NXN: variants seen among roughly 807,000 people sequenced by gnomAD.
NXN encodes the protein nucleoredoxin 1.
In NXN, 16 loss-of-function variants were observed where a neutral mutation model predicts 48.6. The observed-to-expected ratio is 0.33, with a 90% CI of 0.22 to 0.50. The LOEUF (loss-of-function observed/expected upper bound fraction) is 0.50. Ranked by LOEUF, NXN falls within the 20% of genes least tolerant of loss-of-function variation. NXN has a pLI of 0.98. For missense variants in NXN, 492 were observed against 605.5 expected, an observed-to-expected ratio of 0.81 and a Z score of 1.97; for synonymous variants, 281 against 269.6, an observed-to-expected ratio of 1.04 and a Z score of -0.41.
At chr17:806,359 C>T (rs1213507013) in intron 5 of NXN, among the ~76,000 whole-genome samples, 1 of 151,938 alleles carries the variant, frequency 6.6e-6, no homozygotes, top group South Asian at 2.1e-4. Flanking sequence ...TAACAGAAAG[C>T]TTGCCTGCAA....
chr17:949,859 A>T (rs1424115813), intron 1 of NXN, among the ~76,000 whole-genome samples: 1 of 151,052 alleles, frequency 6.6e-6, no homozygotes, highest in Non-Finnish European at 1.5e-5. Context: ...GGGTGGGAAG[A>T]CGCCATGCAT....
intron 1 of NXN, among the ~76,000 whole-genome samples, chr17:867,325 G>A (rs536933006): frequency 5.3e-5 from 7 of 131,036 alleles, no homozygotes; most frequent in African/African-American, 8.7e-5. Context: ...GGGGTTCTCC[G>A]GGGAATCCTC....
intron 1 of NXN, among the ~76,000 whole-genome samples, chr17:876,931 C>T (rs565975074): frequency 4.6e-5 from 7 of 151,834 alleles, no homozygotes; most frequent in South Asian, 4.2e-4. Context: ...GCCTGTAATC[C>T]GAGCTACTCA....
intron 1 of NXN, among the ~76,000 whole-genome samples, chr17:836,884 C>A (rs1015166947): frequency 6.6e-6 from 1 of 152,082 alleles, no homozygotes; most frequent in Non-Finnish European, 1.5e-5. Flanking sequence ...CTCCACCTCC[C>A]GGGCTCAAGC....
chr17:803,329 C>T (rs521701), intron 7 of NXN, among the ~76,000 whole-genome samples: 41,294 of 151,966 alleles, frequency 0.27, 5,622 homozygotes, highest in Admixed American at 0.31. Context: ...CGCGGAGGCA[C>T]GAACCCAGCA....
At chr17:967,050 G>A (rs2069313980) in intron 1 of NXN, among the ~76,000 whole-genome samples, 1 of 152,082 alleles carries the variant, frequency 6.6e-6, no homozygotes, top group Admixed American at 6.5e-5. Flanking sequence ...CACAGAGACG[G>A]TGACCGTAGG....
chr17:973,804 C>T (rs1163143845), intron 1 of NXN, among the ~76,000 whole-genome samples: 1 of 151,822 alleles, frequency 6.6e-6, no homozygotes, highest in Admixed American at 6.6e-5. Context: ...CTCAGCCTCC[C>T]GAGTAGCTGG....
chr17:824,518 T>C (rs1912993053), intron 2 of NXN, among the ~76,000 whole-genome samples: 1 of 152,294 alleles, frequency 6.6e-6, no homozygotes, highest in African/African-American at 2.4e-5. Context: ...ATACCCGGGA[T>C]TGTGGATTCA....
At chr17:937,160 T>G (rs138273220) in intron 1 of NXN, among the ~76,000 whole-genome samples, 2,613 of 152,110 alleles carry the variant, frequency 0.017, 75 homozygotes, top group African/African-American at 0.06. Flanking sequence ...TTTTTTGTAT[T>G]TTTTGTAGAG....
At chr17:935,199 G>A (rs1179710429) in intron 1 of NXN, among the ~76,000 whole-genome samples, 1 of 151,864 alleles carries the variant, frequency 6.6e-6, no homozygotes, top group African/African-American at 2.4e-5. Context: ...TTACCATGTT[G>A]GCCAGGATGG....
chr17:921,258 G>A (rs764056466), intron 1 of NXN, among the ~76,000 whole-genome samples: 36 of 151,990 alleles, frequency 2.4e-4, no homozygotes, highest in Non-Finnish European at 4.9e-4. Context: ...TTTATCCCCA[G>A]GCAACCTCTA....
chr17:931,384 C>T lies in NXN; in HGVS notation c.360+47935G>A, dbSNP rs144981241. Among the ~76,000 whole-genome samples, 1,033 of 148,920 alleles carry T rather than the reference C, an allele frequency of 6.9e-3. 16 individuals carry two copies. Among genetic ancestry groups the T allele is most frequent in the African/African-American group, 0.025 (1,002 of 40,330 alleles). ...AGAAGAAATGCTTAAACCTGGGAGA[C>T]GGAGGTTGTAGTGAGCAGAGATCAC... is the stretch of plus-strand genomic sequence containing the variant. On this transcript the variant is annotated intron_variant, in intron 1 of 7. Transcript: ENST00000336868.
intron 7 of NXN, among the ~76,000 whole-genome samples, chr17:801,841 C>A (rs1911231620): frequency 6.6e-6 from 1 of 152,208 alleles, no homozygotes. Flanking sequence ...GACTTCAACT[C>A]TGGAATGTTT....
intron 1 of NXN, among the ~76,000 whole-genome samples, chr17:857,556 A>G (rs35962203): frequency 0.27 from 40,598 of 152,180 alleles, 6,413 homozygotes; most frequent in African/African-American, 0.44. Flanking sequence ...CACCACACCC[A>G]GCCTAAACAC....
At chr17:834,091 G>A (rs371867203) in intron 1 of NXN, among the ~76,000 whole-genome samples, 277 of 152,288 alleles carry the variant, frequency 1.8e-3, no homozygotes, top group African/African-American at 6.4e-3. Context: ...GGGACGAGGC[G>A]GGTGGATCGC....
At chr17:804,329 C>A (rs1160562522) in intron 6 of NXN, among the ~76,000 whole-genome samples, 2 of 132,860 alleles carry the variant, frequency 1.5e-5, no homozygotes, top group East Asian at 4.4e-4. Flanking sequence ...GTTGCCCAGG[C>A]TGGAGTGCAG....
intron 1 of NXN, among the ~76,000 whole-genome samples, chr17:922,361 T>G (rs1170084911): frequency 3.9e-5 from 6 of 151,944 alleles, no homozygotes; most frequent in Non-Finnish European, 8.8e-5. Context: ...GGAGAATCAC[T>G]TGAACCCGGG....
chr17:840,449 C>T (rs1316472095), intron 1 of NXN, among the ~76,000 whole-genome samples: 1 of 152,220 alleles, frequency 6.6e-6, no homozygotes, highest in South Asian at 2.1e-4. Context: ...ACACCATTCT[C>T]CTGCCTCAGC....
chr17:937,592 AC>A (rs1367106752), intron 1 of NXN, among the ~76,000 whole-genome samples: 7 of 152,062 alleles, frequency 4.6e-5, no homozygotes, highest in Non-Finnish European at 1.5e-5. Flanking sequence ...TTCAGAACAC[AC>A]CCCCAAAGTT....
Sources: gnomAD v4.1 joint callset for allele counts (sites outside exome capture counted in the v4.1 genomes callset) on GRCh38, gnomAD v4.1.1 for gene constraint, MANE v1.5 for transcripts, NCBI Gene and HGNC (gene_info 2026-07-23, HGNC 2026-07-21) for gene names.